CCNT2: variants seen among roughly 807,000 people sequenced by gnomAD.
CCNT2 encodes the protein cyclin T2, also known as cyclin-T2.
A neutral mutation model predicts 70.0 loss-of-function variants in CCNT2; 18 were observed. The ratio of observed to expected loss-of-function variants is 0.26; its 90% CI spans 0.18 to 0.38. The LOEUF (loss-of-function observed/expected upper bound fraction) is 0.38, where lower values mean the gene tolerates loss of function less well. Ranked by LOEUF, CCNT2 falls within the 10% of genes least tolerant of loss-of-function variation. The pLI is 1.00. For synonymous variants in CCNT2, 334 were observed against 313.3 expected, an observed-to-expected ratio of 1.07 and a Z score of -0.70; for missense variants, 734 against 890.2, an observed-to-expected ratio of 0.82 and a Z score of 2.23.
intron 1 of CCNT2, 146 bp from the exon 2 acceptor site, chr2:134,919,664 C>A (rs917972548): frequency 6.0e-5 from 36 of 598,986 alleles, no homozygotes; most frequent in African/African-American, 1.9e-4. Flanking sequence ...CGCCCCACCC[C>A]CCGCGGGCAT....
At position 134,938,987 on chromosome 2, in the gene CCNT2, A is replaced by G; in HGVS notation, c.370-15A>G. ...TTTTTATTTTAATCAATTTGATAAT[A>G]TTTTTATCTGACAGGCTTACCTTCA... On this transcript the variant is annotated splice_polypyrimidine_tract_variant and intron_variant, in intron 3 of 8. Coordinates refer to ENST00000264157, the MANE Select transcript of CCNT2 (RefSeq NM_058241.3). The G allele has an allele frequency of 4.5e-6, 7 of 1,561,214 alleles. No homozygotes were observed. Among genetic ancestry groups the G allele is most frequent in the Non-Finnish European group, 6.2e-6 (7 of 1,133,528 alleles).
chr2:134,919,597 A>G (rs1420805626), intron 1 of CCNT2, among the ~76,000 whole-genome samples: 2 of 152,144 alleles, frequency 1.3e-5, no homozygotes, highest in African/African-American at 4.8e-5. Context: ...TGTTAGAGTG[A>G]AAAGATCAGC....
At chr2:134,921,256 T>C (rs1679879874) in intron 2 of CCNT2, among the ~76,000 whole-genome samples, 1 of 152,242 alleles carries the variant, frequency 6.6e-6, no homozygotes, top group African/African-American at 2.4e-5. Flanking sequence ...CTGACTATTC[T>C]TTATATGGCT....
intron 6 of CCNT2, among the ~76,000 whole-genome samples, chr2:134,946,686 T>TTC (rs1681996616): frequency 6.6e-6 from 1 of 151,492 alleles, no homozygotes; most frequent in African/African-American, 2.4e-5. Flanking sequence ...TTTTTCCTTT[T>TTC]TTTTTTTTTT....
chr2:134,950,633 C>G (rs1001651736), intron 7 of CCNT2, among the ~76,000 whole-genome samples: 1 of 151,518 alleles, frequency 6.6e-6, no homozygotes, highest in Admixed American at 6.6e-5. Context: ...GAAACCCTGT[C>G]TGGGGGGAAA....
At chr2:134,940,092 C>T (rs1681459321) in intron 4 of CCNT2, among the ~76,000 whole-genome samples, 2 of 152,056 alleles carry the variant, frequency 1.3e-5, no homozygotes, top group South Asian at 2.1e-4. Context: ...TGAGTCATAT[C>T]GTGAATTTGT....
At chr2:134,929,636 A>AGAGAGAG (rs1419165195) in intron 2 of CCNT2, among the ~76,000 whole-genome samples, 4 of 129,838 alleles carry the variant, frequency 3.1e-5, no homozygotes, top group African/African-American at 6.1e-5. Context: ...AGAGAGAGAG[A>AGAGAGAG]ACTAATAAAT....
At chr2:134,934,822 C>G (rs1029851084) in intron 2 of CCNT2, among the ~76,000 whole-genome samples, 9 of 152,158 alleles carry the variant, frequency 5.9e-5, no homozygotes, top group Non-Finnish European at 1.0e-4. Context: ...TAAATTCGGT[C>G]TAATTTGACT....
At chr2:134,921,758 G>A (rs903244767) in intron 2 of CCNT2, among the ~76,000 whole-genome samples, 2 of 152,140 alleles carry the variant, frequency 1.3e-5, no homozygotes. Flanking sequence ...CACAACTTTA[G>A]ATTGTCATTT....
Position 134,954,477 on chromosome 2 carries a change from C to G in CCNT2, c.2022C>G (p.Tyr674Ter). ...TACCCCCTCCTCCCCCTGTCACATA[C>G]CAGGTGGGCTACGGACATCTCAGCA... is the stretch of plus-strand genomic sequence containing the variant. ...HPLPPPPPVT[Y>*]QVGYGHLSTL... is the part of the protein sequence containing the mutation. The change falls in exon 9 of 9, where the codon TAC (tyrosine) becomes TAG (stop). Residue 674 changes from tyrosine to a stop codon, truncating the protein, a stop_gained. Transcript: ENST00000264157. LOFTEE classifies it high-confidence loss of function. The G allele has an allele frequency of 6.2e-7, 1 of 1,614,116 alleles. No homozygotes were observed. The highest frequency in any genetic ancestry group is 8.5e-7 in the Non-Finnish European group (1 of 1,180,004).
rs1373944310 is a variant in CCNT2, at chr2:134,957,834, T to G, written c.*3186T>G. Reference sequence around the variant, plus strand: ...TCTAAAAGAAATTTCTAACATGATGTATGGTTTCTTGAATGTCATGAGTGG... The same window carrying G: ...TCTAAAAGAAATTTCTAACATGATGGATGGTTTCTTGAATGTCATGAGTGG... On this transcript the variant is annotated 3_prime_UTR_variant, in exon 9 of 9. Transcript: ENST00000264157. 1 of 152,210 alleles carries G rather than the reference T, an allele frequency of 6.6e-6. No homozygotes were observed. Among genetic ancestry groups the G allele is most frequent in the Non-Finnish European group, 1.5e-5 (1 of 68,036 alleles). 9.4% of individuals were successfully genotyped at this position (152,210 alleles called of 1,614,324 possible). A position where few individuals can be genotyped will look rare whatever the true frequency, so the allele number is the denominator to read the frequency against.
At position 134,936,875 on chromosome 2, in the gene CCNT2, A is replaced by G; in HGVS notation, c.275A>G (p.Lys92Arg). 6.2e-7 allele frequency: 1 copy of G among 1,613,720 alleles called. No homozygotes were observed. The highest frequency in any genetic ancestry group is 2.2e-5 in the East Asian group (1 of 44,862). ...ISSTALFLAAKVEEQARKLEH... is the reference protein window; with the variant it reads ...ISSTALFLAARVEEQARKLEH... ...TCTACTGCATTATTTTTGGCTGCAAAAGTGGAAGAACAGGCTCGAAAACTT... is the reference window on the plus strand; with the variant it reads ...TCTACTGCATTATTTTTGGCTGCAAGAGTGGAAGAACAGGCTCGAAAACTT... The change falls in exon 3 of 9, where the codon AAA becomes AGA. Residue 92 changes from lysine (K) to arginine (R), a missense_variant. Physicochemically the swap from Lys to Arg is conservative, Grantham distance 26. Transcript: ENST00000264157.
At chr2:134,925,364 G>C (rs895718030) in intron 2 of CCNT2, among the ~76,000 whole-genome samples, 1 of 152,048 alleles carries the variant, frequency 6.6e-6, no homozygotes, top group East Asian at 1.9e-4. Context: ...GTATGATTCC[G>C]TGGGGTTTGT....
rs1475292188 is a variant in CCNT2 at position 134,939,347 on chromosome 2, G to A, written c.430+285G>A. Among the ~76,000 whole-genome samples the A allele has an allele frequency of 2.0e-5, 3 of 152,084 alleles. 1 individual carries two copies. The highest frequency in any genetic ancestry group is 1.3e-4 in the Admixed American group (2 of 15,256). On this transcript the variant is annotated intron_variant, in intron 4 of 8. Coordinates refer to ENST00000264157, the MANE Select transcript of CCNT2 (RefSeq NM_058241.3). ...TGGATTTGCACTGGAGAGTAAAATG[G>A]TCCTTTAGGGTTGTTTTATATGATT...
intron 8 of CCNT2, 91 bp from the exon 9 acceptor site, chr2:134,953,136 TATA>T: frequency 1.2e-6 from 1 of 802,726 alleles, no homozygotes; most frequent in Non-Finnish European, 1.9e-6. Context: ...ATGTTTAATA[TATA>T]ATGTTTTTAA....
At chr2:134,926,587 G>T (rs988028559) in intron 2 of CCNT2, among the ~76,000 whole-genome samples, 3 of 152,202 alleles carry the variant, frequency 2.0e-5, no homozygotes, top group African/African-American at 7.2e-5. Flanking sequence ...AAAACTCCCA[G>T]TGCTAGCTGC....
intron 7 of CCNT2, among the ~76,000 whole-genome samples, chr2:134,951,566 T>C (rs952524432): frequency 2.6e-5 from 4 of 152,026 alleles, no homozygotes; most frequent in African/African-American, 9.7e-5. Context: ...AAAGTCTGGG[T>C]GTGGTGGCTC....
intron 6 of CCNT2, among the ~76,000 whole-genome samples, chr2:134,947,008 A>G (rs1682028503): frequency 6.6e-6 from 1 of 152,180 alleles, no homozygotes. Context: ...TTTAACCTCT[A>G]TCCCCAGTAA....
chr2:134,952,998 T>A (rs1200200888), intron 8 of CCNT2: 6 of 490,648 alleles, frequency 1.2e-5, no homozygotes, highest in Non-Finnish European at 2.1e-5. Context: ...TCTGAAGTGC[T>A]GGGCTAGGAT....
Sources: gnomAD v4.1 joint callset for allele counts (sites outside exome capture counted in the v4.1 genomes callset) on GRCh38, gnomAD v4.1.1 for gene constraint, MANE v1.5 for transcripts, NCBI Gene and HGNC (gene_info 2026-07-23, HGNC 2026-07-21) for gene names.